Variants in KIF1B observed in about 807,000 individuals in gnomAD.
KIF1B encodes the protein kinesin family member 1B.
KIF1B carries 76 observed loss-of-function variants against 241.9 expected under a neutral mutation model. The observed-to-expected ratio is 0.31, with a 90% CI of 0.26 to 0.38. The LOEUF (loss-of-function observed/expected upper bound fraction) is 0.38, where lower values mean the gene tolerates loss of function less well. KIF1B is among the 10% of genes least tolerant of loss of function. The pLI is 1.00. For missense variants in KIF1B, 1,622 were observed against 2,271.4 expected (o/e 0.71, Z 5.81); for synonymous variants, 750 against 796.7 (o/e 0.94, Z 0.99).
intron 2 of KIF1B, among the ~76,000 whole-genome samples, chr1:10,241,944 A>G (rs1022058573): frequency 1.3e-5 from 2 of 152,190 alleles, no homozygotes; most frequent in Admixed American, 6.5e-5. Flanking sequence ...TTCTGTCTCT[A>G]TGTCAGACAA....
At position 10,380,772 on chromosome 1, in the gene KIF1B, C is replaced by T. The variant is rs1312953434; in HGVS notation, c.*4185C>T. ...GTTTGCTGGATGTGTTTACATAGGACTCTAACTTGTGTGCACTACAGTTGT... is the reference window on the plus strand; with the variant it reads ...GTTTGCTGGATGTGTTTACATAGGATTCTAACTTGTGTGCACTACAGTTGT... On this transcript the variant is annotated 3_prime_UTR_variant, in exon 49 of 49. Coordinates refer to ENST00000676179, the MANE Select transcript of KIF1B (RefSeq NM_001365951.3). The T allele has an allele frequency of 4.6e-6, 1 of 217,858 alleles. No individual in the cohort carries two copies. The highest frequency in any genetic ancestry group is 9.2e-6 in the Non-Finnish European group (1 of 108,216). 13.5% of individuals were successfully genotyped at this position (217,858 alleles called of 1,614,324 possible).
At position 10,376,834 on chromosome 1, in the gene KIF1B, A is replaced by AACACACACACACACACACACACACAC. The variant is rs111663673; in HGVS notation, c.*255_*280dup. On this transcript the variant is annotated 3_prime_UTR_variant, in exon 49 of 49. Coordinates refer to ENST00000676179, the MANE Select transcript of KIF1B (RefSeq NM_001365951.3). ...CTAACAAAAGGAAAAAATGTTTTTA[A>AACACACACACACACACACACACACAC]ACACACACACACACACACACACACA... 1 of 394,704 alleles carries AACACACACACACACACACACACACAC rather than the reference A, an allele frequency of 2.5e-6. No individual in the cohort carries two copies. Among genetic ancestry groups the AACACACACACACACACACACACACAC allele is most frequent in the African/African-American group, 2.1e-5 (1 of 47,644 alleles). 24.5% of individuals were successfully genotyped at this position (394,704 alleles called of 1,614,324 possible). A position where few individuals can be genotyped will look rare whatever the true frequency, so the allele number is the denominator to read the frequency against.
chr1:10,220,397 T>TAGATAGATAGATAGATGATA (rs1553160022), intron 1 of KIF1B, among the ~76,000 whole-genome samples: 5 of 144,172 alleles, frequency 3.5e-5, no homozygotes, highest in African/African-American at 1.3e-4. Flanking sequence ...GATAGATAGA[T>TAGATAGATAGATAGATGATA]GATAGATAGA....
intron 14 of KIF1B, 92 bp downstream of exon 14, chr1:10,279,230 A>T: frequency 1.3e-6 from 1 of 792,724 alleles, no homozygotes; most frequent in Admixed American, 2.1e-5. Flanking sequence ...GCATGCTGGC[A>T]ATCCTTACAG....
intron 2 of KIF1B, among the ~76,000 whole-genome samples, chr1:10,241,411 A>G (rs1290745160): frequency 2.0e-5 from 3 of 152,182 alleles, no homozygotes. Context: ...GCCTGTGGTT[A>G]GTTTTAGTGT....
At chr1:10,304,160 A>G in intron 22 of KIF1B, 1 of 1,614,196 alleles carries the variant, frequency 6.2e-7, no homozygotes, top group South Asian at 1.1e-5. Context: ...AGGATTCCAA[A>G]AGACGATGAA....
chr1:10,271,409 C>G (rs1167874607), intron 7 of KIF1B, 93 bp from the exon 8 acceptor site: 7 of 918,402 alleles, frequency 7.6e-6, no homozygotes, highest in Non-Finnish European at 1.3e-5. Context: ...TTTTTCCATA[C>G]CTTAATCTTT....
chr1:10,254,955 C>CTTT (rs1406550128), intron 2 of KIF1B, among the ~76,000 whole-genome samples: 2 of 146,312 alleles, frequency 1.4e-5, no homozygotes, highest in South Asian at 2.2e-4. Context: ...TTTCATTTCT[C>CTTT]TTTTTTTTCT....
Position 10,304,235 on chromosome 1 carries a change from A to G in KIF1B, c.2115+6989A>G, listed in dbSNP as rs373309139. ...GGTAAAGGAGCTTTTAAGGATCCCCAGTTTCCATGGGGCTCTCAAGGAATG... is the reference window on the plus strand; with the variant it reads ...GGTAAAGGAGCTTTTAAGGATCCCCGGTTTCCATGGGGCTCTCAAGGAATG... On this transcript the variant is annotated intron_variant, in intron 22 of 48. Transcript: ENST00000676179. 2.1e-4 allele frequency: 334 copies of G among 1,614,192 alleles called. 3 individuals carry two copies. In the South Asian group the frequency reaches 3.5e-3, roughly 17 times the overall value.
rs145875040 is a variant in KIF1B, at chr1:10,318,155, G to A, written c.2116-1888G>A. Among the ~76,000 whole-genome samples, 20 of 151,280 alleles carry A rather than the reference G, an allele frequency of 1.3e-4. No individual in the cohort carries two copies. In the East Asian group the frequency reaches 2.7e-3, roughly 20 times the overall value. On this transcript the variant is annotated intron_variant, in intron 22 of 48. Transcript: ENST00000676179. The stretch of plus-strand genomic sequence containing the variant: ...TCTAGTAAAGCTATGTAGTTGGTTC[G>A]TGGTCTTGGTCACTGCCTGCCCATC...
At chr1:10,336,437 G>A (rs1447312047) in intron 28 of KIF1B, among the ~76,000 whole-genome samples, 1 of 152,184 alleles carries the variant, frequency 6.6e-6, no homozygotes, top group South Asian at 2.1e-4. Flanking sequence ...GTGAGCCACC[G>A]CACCCGGCCT....
chr1:10,347,689 A>G, intron 35 of KIF1B, 72 bp from the exon 36 acceptor site: 1 of 1,284,844 alleles, frequency 7.8e-7, no homozygotes, highest in Non-Finnish European at 1.1e-6. Flanking sequence ...TTATCAAAAC[A>G]AAGACCACCA....
At chr1:10,254,366 A>G (rs368759123) in intron 2 of KIF1B, among the ~76,000 whole-genome samples, 7 of 152,330 alleles carry the variant, frequency 4.6e-5, no homozygotes, top group East Asian at 3.9e-4. Context: ...CTGAGCATCT[A>G]CTTTATACCA....
intron 37 of KIF1B, among the ~76,000 whole-genome samples, chr1:10,349,438 A>AC (rs1325913180): frequency 1.3e-5 from 2 of 151,884 alleles, no homozygotes; most frequent in Non-Finnish European, 2.9e-5. Context: ...CCGTCTCAAA[A>AC]AAAAAAAGAA....
Position 10,244,626 on chromosome 1 carries a change from T to G in KIF1B, c.107-11621T>G, listed in dbSNP as rs1165047009. Among the ~76,000 whole-genome samples the G allele has an allele frequency of 3.4e-5, 5 of 146,848 alleles. No individual in the cohort carries two copies. In the East Asian group the frequency reaches 1.0e-3, roughly 29 times the overall value. On this transcript the variant is annotated intron_variant, in intron 2 of 48. Coordinates refer to ENST00000676179, the MANE Select transcript of KIF1B (RefSeq NM_001365951.3). Reference sequence around the variant, plus strand: ...CGCGCCCGGCCCTCCTTTTTTTTTTTTTTTGAGACGGAGTCTTGCTCTGTC... The same window carrying G: ...CGCGCCCGGCCCTCCTTTTTTTTTTGTTTTGAGACGGAGTCTTGCTCTGTC...
intron 38 of KIF1B, among the ~76,000 whole-genome samples, chr1:10,356,450 T>C (rs541260230): frequency 6.6e-6 from 1 of 152,180 alleles, no homozygotes; most frequent in South Asian, 2.1e-4. Context: ...CCCCATTCAG[T>C]TTACATTTCA....
chr1:10,373,188 T>A (rs956125018), intron 45 of KIF1B, among the ~76,000 whole-genome samples: 3 of 151,742 alleles, frequency 2.0e-5, no homozygotes, highest in Non-Finnish European at 4.4e-5. Context: ...CTTGGTCTCC[T>A]GACCTCATGA....
chr1:10,336,617 A>G, intron 28 of KIF1B, 40 bp from the exon 29 acceptor site: 1 of 1,458,154 alleles, frequency 6.9e-7, no homozygotes, highest in Non-Finnish European at 9.6e-7. Flanking sequence ...CCCCCTGTGT[A>G]GTCTCACTCA....
At chr1:10,245,806 T>A (rs924143824) in intron 2 of KIF1B, among the ~76,000 whole-genome samples, 53 of 152,098 alleles carry the variant, frequency 3.5e-4, no homozygotes, top group African/African-American at 1.2e-3. Context: ...ATGATGATAA[T>A]CATTGTAATA....
Sources: gnomAD v4.1 joint callset for allele counts (sites outside exome capture counted in the v4.1 genomes callset) on GRCh38, gnomAD v4.1.1 for gene constraint, MANE v1.5 for transcripts, NCBI Gene and HGNC (gene_info 2026-07-23, HGNC 2026-07-21) for gene names.